AIF1L: variants seen among roughly 807,000 people sequenced by gnomAD.
AIF1L encodes the protein allograft inflammatory factor 1-like.
Under a neutral mutation model 20.7 loss-of-function variants are expected in AIF1L, and 12 were observed. The observed-to-expected ratio is 0.58, with a 90% CI of 0.37 to 0.94. The LOEUF (loss-of-function observed/expected upper bound fraction) is 0.94. Among genes scored for constraint, AIF1L ranks in the 40% least tolerant of loss-of-function variants. AIF1L has a pLI of 0.01. For missense variants in AIF1L, 173 were observed against 185.3 expected, an observed-to-expected ratio of 0.93 and a Z score of 0.39; for synonymous variants, 76 against 65.1, an observed-to-expected ratio of 1.17 and a Z score of -0.81.
At chr9:131,118,593 C>G (rs1831067109) in intron 5 of AIF1L, among the ~76,000 whole-genome samples, 1 of 150,902 alleles carries the variant, frequency 6.6e-6, no homozygotes. Flanking sequence ...GTCACCCAGG[C>G]TGGAGTGCAG....
intron 4 of AIF1L, among the ~76,000 whole-genome samples, chr9:131,116,589 G>A (rs1308023147): frequency 6.6e-6 from 1 of 152,150 alleles, no homozygotes; most frequent in Non-Finnish European, 1.5e-5. Context: ...TATAGTTAAT[G>A]GCTGCATTGT....
Position 131,120,593 on chromosome 9 carries a change from G to T in AIF1L, c.*271G>T, listed in dbSNP as rs1038874756. On this transcript the variant is annotated 3_prime_UTR_variant, in exon 6 of 6. Coordinates refer to ENST00000247291, the MANE Select transcript of AIF1L (RefSeq NM_031426.4). ...CTGACATCAAACCAAAAACTAGAGG[G>T]GGCAGGGCCAGGGCAGGGAGGCTTC... The T allele has an allele frequency of 7.5e-6, 3 of 397,754 alleles. No individual in the cohort carries two copies. Among genetic ancestry groups the T allele is most frequent in the Non-Finnish European group, 1.3e-5 (3 of 223,820 alleles). The allele number at this position is 397,754 out of a possible 1,614,324, so 24.6% of individuals were successfully genotyped here.
chr9:131,105,979 C>T (rs1830738883), intron 2 of AIF1L, among the ~76,000 whole-genome samples: 2 of 152,096 alleles, frequency 1.3e-5, no homozygotes, highest in Non-Finnish European at 1.5e-5. Flanking sequence ...CCACCACACC[C>T]AGCTAATTTT....
At chr9:131,106,640 G>A (rs926012563) in intron 2 of AIF1L, among the ~76,000 whole-genome samples, 1 of 152,078 alleles carries the variant, frequency 6.6e-6, no homozygotes, top group African/African-American at 2.4e-5. Context: ...AACATTAGCT[G>A]GGTGTGGTGG....
At chr9:131,104,249 C>T (rs779086580) in intron 2 of AIF1L, among the ~76,000 whole-genome samples, 3 of 152,220 alleles carry the variant, frequency 2.0e-5, no homozygotes, top group East Asian at 1.9e-4. Context: ...CCTGCTCCCC[C>T]ACCCCAGCAC....
chr9:131,105,376 G>GTTTT (rs1039939324), intron 2 of AIF1L, among the ~76,000 whole-genome samples: 1 of 152,160 alleles, frequency 6.6e-6, no homozygotes. Flanking sequence ...GTTTTGTTTT[G>GTTTT]TTTTTTAAGA....
Position 131,120,280 on chromosome 9 carries a change from A to G in AIF1L, c.411A>G (p.Pro137=). 6.2e-7 allele frequency: 1 copy of G among 1,613,476 alleles called. No individual in the cohort carries two copies. The highest frequency in any genetic ancestry group is 8.5e-7 in the Non-Finnish European group (1 of 1,179,842). Residue 137 remains proline (P), a synonymous_variant, in exon 6 of 6, where the codon CCA becomes CCG. Transcript: ENST00000247291. ...EGKANESSPK[P]VGPPPERDIA... Reference sequence around the variant, plus strand: ...AAGCCAACGAGAGCAGCCCCAAGCCAGTTGGCCCCCCTCCAGAGAGAGACA... The same window carrying G: ...AAGCCAACGAGAGCAGCCCCAAGCCGGTTGGCCCCCCTCCAGAGAGAGACA...
At chr9:131,116,721 C>G (rs1174883921) in intron 4 of AIF1L, among the ~76,000 whole-genome samples, 1 of 152,260 alleles carries the variant, frequency 6.6e-6, no homozygotes, top group Non-Finnish European at 1.5e-5. Context: ...TTGTTCACCT[C>G]CCTGGTTATT....
At chr9:131,105,160 T>A (rs1830717902) in intron 2 of AIF1L, among the ~76,000 whole-genome samples, 1 of 151,940 alleles carries the variant, frequency 6.6e-6, no homozygotes, top group South Asian at 2.1e-4. Flanking sequence ...GAACCAAGAA[T>A]CCAAAGCTCA....
chr9:131,096,707 C>A, intron 1 of AIF1L, 47 bp downstream of exon 1: 1 of 1,447,778 alleles, frequency 6.9e-7, no homozygotes, highest in Non-Finnish European at 9.0e-7. Flanking sequence ...GCCGGGCGGA[C>A]CGCGGGGTCC....
intron 4 of AIF1L, among the ~76,000 whole-genome samples, chr9:131,115,257 C>G (rs942356457): frequency 2.0e-5 from 3 of 151,860 alleles, no homozygotes; most frequent in Non-Finnish European, 2.9e-5. Context: ...CAAGACCAGC[C>G]TGGCCAACAT....
Position 131,096,757 on chromosome 9 carries a change from C to T in AIF1L, c.32-45C>T, listed in dbSNP as rs996580434. 4 of 1,504,972 alleles carry T rather than the reference C, an allele frequency of 2.7e-6. No homozygotes were observed. The African/African-American group carries it at 4.4e-5, about 16-fold the overall frequency. 93.2% of individuals were successfully genotyped at this position (1,504,972 alleles called of 1,614,324 possible). A position where few individuals can be genotyped will look rare whatever the true frequency, so the allele number is the denominator to read the frequency against. On this transcript the variant is annotated intron_variant, in intron 1 of 5. Coordinates refer to ENST00000247291, the MANE Select transcript of AIF1L (RefSeq NM_031426.4). ...GCGGGCGGGGACGGGGGCGCGTGGC[C>T]CGAAGAGGACCCCGCTTCCCAGGCC...
intron 2 of AIF1L, among the ~76,000 whole-genome samples, chr9:131,101,192 G>A (rs1303049838): frequency 6.6e-6 from 1 of 152,070 alleles, no homozygotes; most frequent in Non-Finnish European, 1.5e-5. Context: ...CACCACACCC[G>A]GCCAACAGGT....
intron 2 of AIF1L, among the ~76,000 whole-genome samples, chr9:131,110,589 C>T (rs147328451): frequency 6.6e-6 from 1 of 151,450 alleles, no homozygotes; most frequent in South Asian, 2.1e-4. Flanking sequence ...CTGCAACCTC[C>T]ACCTCCCAGG....
Position 131,121,384 on chromosome 9 carries a change from C to T in AIF1L, c.*1062C>T. 1 of 393,730 alleles carries T rather than the reference C, an allele frequency of 2.5e-6. No homozygotes were observed. The highest frequency in any genetic ancestry group is 4.6e-6 in the Non-Finnish European group (1 of 219,494). The allele number at this position is 393,730 out of a possible 1,614,324, so 24.4% of individuals were successfully genotyped here. On this transcript the variant is annotated 3_prime_UTR_variant, in exon 6 of 6. Coordinates refer to ENST00000247291, the MANE Select transcript of AIF1L (RefSeq NM_031426.4). ...CATGTGCAGTATACACGGTCTAACTCATCTCTCCCCAGATCTCTCAGAACC... is the reference window on the plus strand; with the variant it reads ...CATGTGCAGTATACACGGTCTAACTTATCTCTCCCCAGATCTCTCAGAACC...
intron 5 of AIF1L, among the ~76,000 whole-genome samples, chr9:131,118,491 T>C (rs965865437): frequency 1.3e-5 from 2 of 151,840 alleles, no homozygotes; most frequent in African/African-American, 4.8e-5. Flanking sequence ...ATGATGATGA[T>C]GGTGGTGATG....
chr9:131,109,575 AAAAC>A (rs1345117450), intron 2 of AIF1L, among the ~76,000 whole-genome samples: 2 of 152,094 alleles, frequency 1.3e-5, no homozygotes, highest in African/African-American at 2.4e-5. Flanking sequence ...AACAAAAACA[AAAAC>A]AAAAAAAGAA....
At position 131,096,628 on chromosome 9, in the gene AIF1L, C is replaced by T. The variant is rs868164764; in HGVS notation, c.-2C>T. On this transcript the variant is annotated 5_prime_UTR_variant, in exon 1 of 6. Transcript: ENST00000247291. Reference sequence around the variant, plus strand: ...GGAGCCGGCGGGAGCCCCGCGCTCGCCATGTCGGGCGAGCTCAGCAACAGG... The same window carrying T: ...GGAGCCGGCGGGAGCCCCGCGCTCGTCATGTCGGGCGAGCTCAGCAACAGG... The T allele has an allele frequency of 6.7e-7, 1 of 1,484,344 alleles. No homozygotes were observed. Among genetic ancestry groups the T allele is most frequent in the Non-Finnish European group, 8.9e-7 (1 of 1,125,594 alleles). The allele number at this position is 1,484,344 out of a possible 1,614,324, so 91.9% of individuals were successfully genotyped here. A position where few individuals can be genotyped will look rare whatever the true frequency, so the allele number is the denominator to read the frequency against.
intron 2 of AIF1L, among the ~76,000 whole-genome samples, chr9:131,098,851 C>T (rs569503454): frequency 6.6e-6 from 1 of 152,176 alleles, no homozygotes; most frequent in African/African-American, 2.4e-5. Flanking sequence ...TGCAGCCCAG[C>T]GTCCTTCCCC....
Sources: allele counts gnomAD v4.1 joint callset (sites outside exome capture counted in the v4.1 genomes callset), GRCh38; gene constraint gnomAD v4.1.1; transcripts MANE v1.5; gene names NCBI Gene and HGNC (gene_info 2026-07-23, HGNC 2026-07-21).